Variants in DLGAP1 observed in about 807,000 individuals in gnomAD.
DLGAP1 encodes the protein disks large-associated protein 1.
Under a neutral mutation model 90.8 loss-of-function variants are expected in DLGAP1, and 11 were observed. The observed-to-expected ratio is 0.12, with a 90% CI of 0.08 to 0.20. The LOEUF is 0.20. Among genes scored for constraint, DLGAP1 ranks in the 10% least tolerant of loss-of-function variants. The pLI, the probability that DLGAP1 is intolerant of heterozygous loss-of-function variation, is 1.00. For synonymous variants in DLGAP1, 558 were observed against 540.7 expected, an observed-to-expected ratio of 1.03 and a Z score of -0.44; for missense variants, 1,050 against 1,333.8, an observed-to-expected ratio of 0.79 and a Z score of 3.31.
At chr18:3,797,951 T>G (rs192604720) in intron 5 of DLGAP1, among the ~76,000 whole-genome samples, 13 of 152,150 alleles carry the variant, frequency 8.5e-5, no homozygotes, top group Non-Finnish European at 1.6e-4. Context: ...TCTCAAGAGA[T>G]CTGATGGTTT....
At chr18:3,840,249 C>T (rs1206067524) in intron 4 of DLGAP1, among the ~76,000 whole-genome samples, 2 of 152,084 alleles carry the variant, frequency 1.3e-5, no homozygotes, top group Non-Finnish European at 2.9e-5. Flanking sequence ...TACCATAAAC[C>T]CAGTGGCTTA....
intron 10 of DLGAP1, among the ~76,000 whole-genome samples, chr18:3,511,595 T>C (rs2050550393): frequency 6.6e-6 from 1 of 151,982 alleles, no homozygotes; most frequent in Admixed American, 6.6e-5. Flanking sequence ...TCCATGGGTT[T>C]TGCATCTGTG....
chr18:3,985,737 A>T (rs2073828796), intron 3 of DLGAP1, among the ~76,000 whole-genome samples: 1 of 152,132 alleles, frequency 6.6e-6, no homozygotes, highest in African/African-American at 2.4e-5. Flanking sequence ...AAATTTGTAC[A>T]GGCTTGAAAA....
intron 2 of DLGAP1, among the ~76,000 whole-genome samples, chr18:4,048,230 C>A (rs1245218049): frequency 6.6e-6 from 1 of 152,118 alleles, no homozygotes; most frequent in East Asian, 1.9e-4. Context: ...CATATAAAAA[C>A]ATTTTTTCAG....
At chr18:4,077,461 A>C (rs1334897648) in intron 2 of DLGAP1, among the ~76,000 whole-genome samples, 1 of 152,150 alleles carries the variant, frequency 6.6e-6, no homozygotes, top group East Asian at 1.9e-4. Flanking sequence ...TGGGGGTGGA[A>C]CCACATGAAT....
rs1462325446 is a variant in DLGAP1 at position 4,378,624 on chromosome 18, C to T, written c.-267+76382G>A. On this transcript the variant is annotated intron_variant, in intron 1 of 12. Transcript: ENST00000315677. The surrounding 1 kb of genome is among the most constrained non-coding windows in gnomAD (Gnocchi z 4.5). ...TAAGAATCCATGGTGGGGAGGCACA[C>T]TACACAATTTGAAAGCACCTAAGGT... 6.6e-6 allele frequency among the ~76,000 whole-genome samples: 1 copy of T among 152,112 alleles called. No homozygotes were observed. The highest frequency in any genetic ancestry group is 1.5e-5 in the Non-Finnish European group (1 of 68,000).
chr18:3,648,992 T>G (rs1373224956), intron 7 of DLGAP1, among the ~76,000 whole-genome samples: 2 of 152,224 alleles, frequency 1.3e-5, no homozygotes, highest in Non-Finnish European at 2.9e-5. Flanking sequence ...AGCACAGATT[T>G]GATTAGTTTT....
intron 1 of DLGAP1, among the ~76,000 whole-genome samples, chr18:4,181,697 CT>C (rs538764869): frequency 6.1e-5 from 9 of 148,522 alleles, no homozygotes; most frequent in Non-Finnish European, 6.0e-5. Flanking sequence ...TGGATTTCTT[CT>C]TTTTTTTTTA....
chr18:4,169,106 AT>A (rs150169139), intron 1 of DLGAP1, among the ~76,000 whole-genome samples: 7 of 151,980 alleles, frequency 4.6e-5, no homozygotes, highest in East Asian at 1.9e-4. Context: ...TCTATGTGTA[AT>A]TTTTTTTGAG....
intron 7 of DLGAP1, among the ~76,000 whole-genome samples, chr18:3,590,436 G>A (rs2056167964): frequency 6.6e-6 from 1 of 152,150 alleles, no homozygotes; most frequent in South Asian, 2.1e-4. Context: ...TCTTCAATCA[G>A]AGAGCCGGTT....
At chr18:3,763,987 T>A (rs546421746) in intron 5 of DLGAP1, among the ~76,000 whole-genome samples, 1 of 152,278 alleles carries the variant, frequency 6.6e-6, no homozygotes, top group Admixed American at 6.5e-5. Context: ...ATGCAATACA[T>A]GCATATATCA....
intron 5 of DLGAP1, among the ~76,000 whole-genome samples, chr18:3,784,616 G>A (rs904254413): frequency 2.0e-5 from 3 of 152,090 alleles, no homozygotes; most frequent in Admixed American, 6.5e-5. Context: ...ATCCCTGCCC[G>A]GCTCTGCGCC....
chr18:3,514,310 A>G (rs1000486812), intron 10 of DLGAP1, among the ~76,000 whole-genome samples: 2 of 152,098 alleles, frequency 1.3e-5, no homozygotes, highest in Non-Finnish European at 2.9e-5. Flanking sequence ...TGCTACACCT[A>G]ACTCCACGAT....
At chr18:3,508,996 T>TA (rs71159086) in intron 10 of DLGAP1, among the ~76,000 whole-genome samples, 60 of 151,554 alleles carry the variant, frequency 4.0e-4, no homozygotes, top group Admixed American at 2.5e-3. Context: ...TTTTTTTTTT[T>TA]AAACTTCCTT....
chr18:4,396,594 A>G (rs1009986904), intron 1 of DLGAP1, among the ~76,000 whole-genome samples: 1 of 152,162 alleles, frequency 6.6e-6, no homozygotes. Context: ...GCGCTCTCTG[A>G]GAGGAAGCCA....
chr18:4,347,108 A>G (rs1304969425), intron 1 of DLGAP1, among the ~76,000 whole-genome samples: 2 of 152,124 alleles, frequency 1.3e-5, no homozygotes, highest in Admixed American at 1.3e-4. Context: ...TAGATAAAAG[A>G]CACAGTTTTC....
chr18:4,031,627 C>T (rs911998793), intron 2 of DLGAP1, among the ~76,000 whole-genome samples: 1 of 152,168 alleles, frequency 6.6e-6, no homozygotes, highest in Non-Finnish European at 1.5e-5. Flanking sequence ...AAAGAGTAAT[C>T]TTCAGTAAGG....
At chr18:4,338,288 TA>T (rs2081116344) in intron 1 of DLGAP1, among the ~76,000 whole-genome samples, 1 of 152,212 alleles carries the variant, frequency 6.6e-6, no homozygotes, top group Non-Finnish European at 1.5e-5. Flanking sequence ...GTAAAATCCC[TA>T]AAAGTAGAAA....
At chr18:3,647,147 G>C (rs1188483573) in intron 7 of DLGAP1, among the ~76,000 whole-genome samples, 4 of 151,770 alleles carry the variant, frequency 2.6e-5, no homozygotes, top group Admixed American at 2.6e-4. Flanking sequence ...CCAGCTACTA[G>C]GGAGGCTGAG....
Sources: allele counts gnomAD v4.1 joint callset (sites outside exome capture counted in the v4.1 genomes callset), GRCh38; gene constraint gnomAD v4.1.1; non-coding constraint Gnocchi (gnomAD v3.1); transcripts MANE v1.5; gene names NCBI Gene and HGNC (gene_info 2026-07-23, HGNC 2026-07-21).